The following PMP22 variants were observed in gnomAD, a reference collection of about 807,000 sequenced individuals.
PMP22 encodes the protein Charcot-Marie-Tooth neuropathy 1A (greatly reduced nerve conduction velocity, hereditary motor sensory neuropathy Ia).
PMP22 carries 2 observed loss-of-function variants against 18.9 expected under a neutral mutation model. The observed-to-expected ratio is 0.11, with a 90% CI of 0.04 to 0.33. The LOEUF (loss-of-function observed/expected upper bound fraction) is 0.33. Among genes scored for constraint, PMP22 ranks in the 10% least tolerant of loss-of-function variants. PMP22 has a pLI of 1.00. For synonymous variants in PMP22, 95 were observed against 89.2 expected (o/e 1.07, Z -0.37); for missense variants, 169 against 202.2 (o/e 0.84, Z 1.00).
intron 4 of PMP22, among the ~76,000 whole-genome samples, chr17:15,236,277 G>A (rs1403204629): frequency 6.6e-6 from 1 of 152,122 alleles, no homozygotes; most frequent in Non-Finnish European, 1.5e-5. Flanking sequence ...ACACAGAGCT[G>A]TAATCTAGAG....
At chr17:15,255,075 G>A (rs1272435630) in intron 3 of PMP22, among the ~76,000 whole-genome samples, 2 of 152,194 alleles carry the variant, frequency 1.3e-5, no homozygotes, top group Non-Finnish European at 2.9e-5. Flanking sequence ...TGGGGTGGCT[G>A]ACAGAGCCCA....
intron 1 of PMP22, 198 bp from the exon 2 acceptor site, chr17:15,260,959 G>A: frequency 2.8e-6 from 1 of 354,190 alleles, no homozygotes; most frequent in Non-Finnish European, 5.0e-6. Flanking sequence ...CCAGCGCCCA[G>A]TGCCCAGCGC....
At chr17:15,242,023 AG>A (rs1907367672) in intron 3 of PMP22, among the ~76,000 whole-genome samples, 1 of 152,124 alleles carries the variant, frequency 6.6e-6, no homozygotes. Flanking sequence ...AGGCTGAGGC[AG>A]GTAGATCACT....
At chr17:15,248,178 T>A (rs1242745674) in intron 3 of PMP22, among the ~76,000 whole-genome samples, 1 of 152,242 alleles carries the variant, frequency 6.6e-6, no homozygotes, top group Non-Finnish European at 1.5e-5. Context: ...TGAAATGGGC[T>A]TGCTGGTCAG....
At chr17:15,238,659 CAAGATGTAAGATGT>C (rs145962398) in intron 4 of PMP22, among the ~76,000 whole-genome samples, 3 of 152,118 alleles carry the variant, frequency 2.0e-5, no homozygotes, top group South Asian at 2.1e-4. Context: ...AGGCAGAATG[CAAGATGTAAGATGT>C]AAGATGTAAG....
rs1178114783 is a variant in PMP22, at chr17:15,258,350, C to A, written c.178+744G>T. The stretch of plus-strand genomic sequence containing the variant: ...CCTGTCTGCATCCAAACACACAGGG[C>A]TCCTGGCTGGGTGTTCCTTTCCCTC... On this transcript the variant is annotated intron_variant, in intron 3 of 4. Transcript: ENST00000312280. This position sits in a 1 kb window ranked among gnomAD's most constrained non-coding sequence, Gnocchi z 4.1. 6.6e-6 allele frequency among the ~76,000 whole-genome samples: 1 copy of A among 152,180 alleles called. No individual in the cohort carries two copies. Among genetic ancestry groups the A allele is most frequent in the African/African-American group, 2.4e-5 (1 of 41,444 alleles).
intron 3 of PMP22, among the ~76,000 whole-genome samples, chr17:15,247,091 C>T (rs1313365294): frequency 7.7e-6 from 1 of 130,664 alleles, no homozygotes; most frequent in Non-Finnish European, 1.6e-5. Flanking sequence ...AAAAAAAGGC[C>T]GGGCGCCGTG....
chr17:15,241,807 GC>G (rs1418232584), intron 3 of PMP22, among the ~76,000 whole-genome samples: 1 of 152,110 alleles, frequency 6.6e-6, no homozygotes, highest in East Asian at 1.9e-4. Context: ...TATTCAATGA[GC>G]ATTTGTTGAA....
intron 3 of PMP22, among the ~76,000 whole-genome samples, chr17:15,244,041 C>T (rs369770393): frequency 1.3e-5 from 2 of 152,018 alleles, no homozygotes; most frequent in East Asian, 3.9e-4. Context: ...AAAATTAAAT[C>T]TCTAGTTCGC....
intron 3 of PMP22, among the ~76,000 whole-genome samples, chr17:15,242,463 A>C (rs889477204): frequency 6.6e-6 from 1 of 152,152 alleles, no homozygotes; most frequent in Non-Finnish European, 1.5e-5. Flanking sequence ...TGGTTGTTTC[A>C]TAGAGGAAAG....
At chr17:15,239,852 G>T (rs958415119) in intron 3 of PMP22, among the ~76,000 whole-genome samples, 1 of 152,090 alleles carries the variant, frequency 6.6e-6, no homozygotes, top group Non-Finnish European at 1.5e-5. Context: ...TATATGTACT[G>T]ATATATACAT....
chr17:15,248,613 C>T (rs1908042612), intron 3 of PMP22, among the ~76,000 whole-genome samples: 1 of 151,768 alleles, frequency 6.6e-6, no homozygotes. Context: ...CTTTTTTATA[C>T]CCTTGTTGGA....
At chr17:15,243,365 C>T (rs1217484156) in intron 3 of PMP22, among the ~76,000 whole-genome samples, 1 of 151,906 alleles carries the variant, frequency 6.6e-6, no homozygotes, top group Non-Finnish European at 1.5e-5. Context: ...AAATAATCTA[C>T]AAATTCAATG....
chr17:15,260,467 A>C (rs1372320517), intron 2 of PMP22, 183 bp downstream of exon 2: 1 of 666,922 alleles, frequency 1.5e-6, no homozygotes, highest in African/African-American at 1.8e-5. Flanking sequence ...GGTTCCTATC[A>C]CTGAATCTGC....
chr17:15,259,101 T>G lies in PMP22; in HGVS notation c.171A>C (p.Ser57=). 6.2e-7 allele frequency: 1 copy of G among 1,611,072 alleles called. No individual in the cohort carries two copies. The highest frequency in any genetic ancestry group is 1.3e-5 in the African/African-American group (1 of 74,938). ...SGNVHHCFSS[S]PNEWLQSVQA... ...GCACAAAACCAGCCTCACCGTTTGGTGATGATGAGAAACAGTGGTGGACAT... is the reference window on the plus strand; with the variant it reads ...GCACAAAACCAGCCTCACCGTTTGGGGATGATGAGAAACAGTGGTGGACAT... The change falls in exon 3 of 5, where the codon TCA becomes TCC. Residue 57 remains serine (S), a synonymous_variant. Transcript: ENST00000312280.
Position 15,258,053 on chromosome 17 carries a change from C to T in PMP22, c.178+1041G>A, listed in dbSNP as rs187933780. Among the ~76,000 whole-genome samples the T allele has an allele frequency of 9.5e-4, 144 of 152,310 alleles. 2 individuals carry two copies. The highest frequency in any genetic ancestry group is 2.8e-4 in the Non-Finnish European group (19 of 68,028). On this transcript the variant is annotated intron_variant, in intron 3 of 4. Transcript: ENST00000312280. This position sits in a 1 kb window ranked among gnomAD's most constrained non-coding sequence, Gnocchi z 4.1. The stretch of plus-strand genomic sequence containing the variant: ...AAAGGCCACTTCACTGCCTGTTTTA[C>T]TGAACTGGATCTAAACTGGTTTCTC...
intron 4 of PMP22, among the ~76,000 whole-genome samples, chr17:15,238,757 C>T (rs1235156898): frequency 6.6e-6 from 1 of 152,224 alleles, no homozygotes; most frequent in Non-Finnish European, 1.5e-5. Context: ...ACAGAAGTTT[C>T]TAGGACTCTG....
intron 2 of PMP22, 60 bp downstream of exon 2, chr17:15,260,590 G>T: frequency 7.3e-7 from 1 of 1,371,220 alleles, no homozygotes; most frequent in Non-Finnish European, 1.0e-6. Flanking sequence ...AGGAGCACGG[G>T]CTGGGAACCC....
intron 3 of PMP22, among the ~76,000 whole-genome samples, chr17:15,246,600 C>T (rs1907838902): frequency 6.6e-6 from 1 of 152,200 alleles, no homozygotes; most frequent in Non-Finnish European, 1.5e-5. Flanking sequence ...ATACTCTTCC[C>T]CACGCCCCAC....
Sources: gnomAD v4.1 joint callset for allele counts (sites outside exome capture counted in the v4.1 genomes callset) on GRCh38, gnomAD v4.1.1 for gene constraint, Gnocchi (gnomAD v3.1) non-coding constraint, MANE v1.5 for transcripts, NCBI Gene and HGNC (gene_info 2026-07-23, HGNC 2026-07-21) for gene names.